EBF1: variants seen among roughly 807,000 people sequenced by gnomAD.
EBF1 encodes the protein EBF transcription factor 1.
Under a neutral mutation model 68.4 loss-of-function variants are expected in EBF1, and 10 were observed. The observed-to-expected ratio is 0.15, with a 90% CI of 0.09 to 0.25. EBF1 has a LOEUF of 0.25. Among genes scored for constraint, EBF1 ranks in the 10% least tolerant of loss-of-function variants. The pLI, the probability that EBF1 is intolerant of heterozygous loss-of-function variation, is 1.00. For missense variants in EBF1, 509 were observed against 794.4 expected (o/e 0.64, Z 4.32); for synonymous variants, 298 against 299.8 (o/e 0.99, Z 0.06).
chr5:158,740,457 G>A (rs1415869762), intron 10 of EBF1, among the ~76,000 whole-genome samples: 2 of 152,016 alleles, frequency 1.3e-5, no homozygotes, highest in East Asian at 1.9e-4. Flanking sequence ...CTCTGCAGAC[G>A]GTCAGACTGG....
intron 6 of EBF1, among the ~76,000 whole-genome samples, chr5:159,071,316 A>G (rs937160682): frequency 2.0e-5 from 3 of 152,236 alleles, no homozygotes; most frequent in African/African-American, 7.2e-5. Context: ...TCCTATCTGA[A>G]GAGACCAAGA....
intron 7 of EBF1, among the ~76,000 whole-genome samples, chr5:158,825,019 G>A (rs1785734880): frequency 6.6e-6 from 1 of 152,206 alleles, no homozygotes; most frequent in African/African-American, 2.4e-5. Flanking sequence ...ATTCTCCTTA[G>A]CCACTGTGAA....
chr5:158,892,498 T>A (rs78100915), intron 6 of EBF1, among the ~76,000 whole-genome samples: 1 of 152,008 alleles, frequency 6.6e-6, no homozygotes, highest in African/African-American at 2.4e-5. Context: ...AGATCTCAAA[T>A]CCAAAATGCT....
At chr5:158,850,955 T>G (rs544271587) in intron 6 of EBF1, among the ~76,000 whole-genome samples, 68 of 152,104 alleles carry the variant, frequency 4.5e-4, no homozygotes, top group Non-Finnish European at 7.4e-4. Context: ...TGCAGTGAGC[T>G]GAGATGGTGC....
chr5:158,850,044 G>T (rs926131122), intron 6 of EBF1, among the ~76,000 whole-genome samples: 2 of 152,162 alleles, frequency 1.3e-5, no homozygotes, highest in African/African-American at 2.4e-5. Flanking sequence ...AACTGGGAAG[G>T]CTCCACACCA....
intron 15 of EBF1, 99 bp from the exon 16 acceptor site, chr5:158,699,241 CTA>C: frequency 7.9e-7 from 1 of 1,262,066 alleles, no homozygotes; most frequent in Non-Finnish European, 1.1e-6. Flanking sequence ...CCACACACAA[CTA>C]TGTTGTTCGA....
chr5:158,822,395 A>T (rs1205285938), intron 8 of EBF1, among the ~76,000 whole-genome samples: 3 of 152,144 alleles, frequency 2.0e-5, no homozygotes, highest in Non-Finnish European at 4.4e-5. Flanking sequence ...ACACACACAC[A>T]TGCAGCACTG....
At chr5:158,744,668 C>T (rs2127577922) in intron 10 of EBF1, among the ~76,000 whole-genome samples, 1 of 152,050 alleles carries the variant, frequency 6.6e-6, no homozygotes. Flanking sequence ...ACTTGTTTGC[C>T]CAATTGTAGC....
At chr5:158,967,820 C>T (rs991172937) in intron 6 of EBF1, among the ~76,000 whole-genome samples, 2 of 152,164 alleles carry the variant, frequency 1.3e-5, no homozygotes, top group African/African-American at 4.8e-5. Flanking sequence ...CTAGTTTCCC[C>T]CTAGGGCAAT....
chr5:159,046,241 C>T (rs952731773), intron 6 of EBF1, among the ~76,000 whole-genome samples: 2 of 152,172 alleles, frequency 1.3e-5, no homozygotes, highest in Non-Finnish European at 1.5e-5. Context: ...TATGACTATG[C>T]CTCTCAGTGC....
intron 5 of EBF1, among the ~76,000 whole-genome samples, chr5:159,074,531 C>T (rs1404029434): frequency 6.6e-6 from 1 of 152,202 alleles, no homozygotes; most frequent in Non-Finnish European, 1.5e-5. Context: ...TACGCGCACA[C>T]TTACAACTTA....
intron 6 of EBF1, among the ~76,000 whole-genome samples, chr5:158,893,361 C>T (rs1582951094): frequency 6.6e-6 from 1 of 152,290 alleles, no homozygotes; most frequent in Non-Finnish European, 1.5e-5. Flanking sequence ...CAGGACATTG[C>T]TGTATCGAGA....
intron 15 of EBF1, among the ~76,000 whole-genome samples, chr5:158,700,876 C>T (rs77754800): frequency 0.1 from 15,376 of 152,056 alleles, 2,320 homozygotes; most frequent in African/African-American, 0.33. Context: ...TTTTGCCAAA[C>T]GCAGACCAAC....
chr5:158,708,250 C>T lies in EBF1; in HGVS notation c.1550-77G>A, dbSNP rs1352796223. ...AGCAAAGAAGCTCAGATCCATCCCT[C>T]ACCCAGCCACCTTGCTCTGCCCTGC... On this transcript the variant is annotated intron_variant, in intron 14 of 15. Transcript: ENST00000313708. The T allele has an allele frequency of 2.8e-6, 4 of 1,421,622 alleles. No homozygotes were observed. In the African/African-American group the frequency reaches 4.3e-5, roughly 15 times the overall value. The allele number at this position is 1,421,622 out of a possible 1,614,324, so 88.1% of individuals were successfully genotyped here.
chr5:158,765,950 G>A (rs570064053), intron 10 of EBF1, among the ~76,000 whole-genome samples: 6 of 152,112 alleles, frequency 3.9e-5, no homozygotes, highest in Non-Finnish European at 7.4e-5. Context: ...CTATATATGG[G>A]CAGATCCCCT....
At chr5:159,074,499 T>C (rs1321361113) in intron 5 of EBF1, among the ~76,000 whole-genome samples, 1 of 152,228 alleles carries the variant, frequency 6.6e-6, no homozygotes, top group Non-Finnish European at 1.5e-5. Flanking sequence ...CACACACGTG[T>C]ACACAGAGAG....
intron 6 of EBF1, among the ~76,000 whole-genome samples, chr5:158,937,642 C>T (rs1316330187): frequency 6.6e-6 from 1 of 152,142 alleles, no homozygotes; most frequent in Non-Finnish European, 1.5e-5. Flanking sequence ...TTCTTAAGAG[C>T]GGGCTCTATT....
chr5:158,727,608 A>G lies in EBF1; in HGVS notation c.1125+3461T>C, dbSNP rs559366500. Reference sequence around the variant, plus strand: ...TTAGCCTGCCCTTTTCTCCCTGTGTATATGAAAAAGGAAACCAAAAAACAT... The same window carrying G: ...TTAGCCTGCCCTTTTCTCCCTGTGTGTATGAAAAAGGAAACCAAAAAACAT... On this transcript the variant is annotated intron_variant, in intron 11 of 15. Transcript: ENST00000313708. Among the ~76,000 whole-genome samples, 4 of 152,336 alleles carry G rather than the reference A, an allele frequency of 2.6e-5. No individual in the cohort carries two copies. In the East Asian group the frequency reaches 7.7e-4, roughly 29 times the overall value.
rs770676832 is a variant in EBF1 at position 158,707,869 on chromosome 5, G to T, written c.1744+110C>A. On this transcript the variant is annotated intron_variant, in intron 15 of 15. Coordinates refer to ENST00000313708, the MANE Select transcript of EBF1 (RefSeq NM_024007.5). ...AAGAGATGAGGGCAGAGAGAATCAG[G>T]CAGGGCCCAAGGCTGATACCCTCAG... is the stretch of plus-strand genomic sequence containing the variant. The T allele has an allele frequency of 3.9e-6, 5 of 1,282,958 alleles. No individual in the cohort carries two copies. The South Asian group carries it at 5.8e-5, about 15-fold the overall frequency. The allele number at this position is 1,282,958 out of a possible 1,614,324, so 79.5% of individuals were successfully genotyped here.
Sources: gnomAD v4.1 joint callset for allele counts (sites outside exome capture counted in the v4.1 genomes callset) on GRCh38, gnomAD v4.1.1 for gene constraint, MANE v1.5 for transcripts, NCBI Gene and HGNC (gene_info 2026-07-23, HGNC 2026-07-21) for gene names.